GSG1L2: variants seen among roughly 807,000 people sequenced by gnomAD.
The protein encoded by GSG1L2 is GSG1 like 2.
Under a neutral mutation model 9.0 loss-of-function variants are expected in GSG1L2, and 15 were observed. The ratio of observed to expected loss-of-function variants is 1.67; its 90% CI spans 1.12 to 2.57. GSG1L2 has a LOEUF of 2.57. GSG1L2 is among the 30% of genes most tolerant of loss of function. The probability of loss-of-function intolerance (pLI) is 0.00; values close to 1 mark genes in which losing one functional copy is unlikely to be tolerated. For missense variants in GSG1L2, 286 were observed against 150.3 expected, an observed-to-expected ratio of 1.90 and a Z score of -4.72; for synonymous variants, 127 against 57.9, an observed-to-expected ratio of 2.19 and a Z score of -5.41.
At chr17:9,817,959 G>A (rs2066574092) in intron 1 of GSG1L2, among the ~76,000 whole-genome samples, 1 of 152,074 alleles carries the variant, frequency 6.6e-6, no homozygotes, top group Non-Finnish European at 1.5e-5. Flanking sequence ...TGCCTGGAAC[G>A]TTCTCATCCC....
At chr17:9,818,584 G>A (rs1027745779) in intron 1 of GSG1L2, among the ~76,000 whole-genome samples, 2 of 134,736 alleles carry the variant, frequency 1.5e-5, no homozygotes, top group Non-Finnish European at 3.0e-5. Flanking sequence ...TCGAACTCCT[G>A]ACCTCAGGCA....
Position 9,821,880 on chromosome 17 carries a change from C to G in GSG1L2, c.192G>C (p.Arg64Ser). 1.4e-6 allele frequency: 1 copy of G among 703,364 alleles called. No homozygotes were observed. The allele number at this position is 703,364 out of a possible 1,614,324, so 43.6% of individuals were successfully genotyped here. Residue 64 changes from arginine (R) to serine (S), a missense_variant, in exon 1 of 5, where the codon AGG (arginine) becomes AGC (serine). Transcript: ENST00000399363. The stretch of plus-strand genomic sequence containing the variant: ...GGACAGCCTGGCTATTGTTGTCCAT[C>G]CTGCCATTGCTGCTGTTGTCCCGTT... The part of the protein sequence containing the change: ...HFKRDNSSNG[R>S]MDNNSQAVLY...
intron 1 of GSG1L2, among the ~76,000 whole-genome samples, chr17:9,816,522 C>CTGTGTGTGTG (rs1491196761): frequency 0.028 from 3,910 of 140,608 alleles, 67 homozygotes; most frequent in African/African-American, 0.044. Flanking sequence ...GTGTGCGTGT[C>CTGTGTGTGTG]TGTGTCTCTG....
chr17:9,818,501 A>ATTTTTTTTTTTTTTTTTT (rs377057350), intron 1 of GSG1L2, among the ~76,000 whole-genome samples: 9 of 82,800 alleles, frequency 1.1e-4, no homozygotes, highest in South Asian at 9.9e-4. Flanking sequence ...ACACAGCTAA[A>ATTTTTTTTTTTTTTTTTT]TTTTTTTTTT....
In GSG1L2 at chr17:9,814,071, A is replaced by G. The variant is rs564128459; in HGVS notation, c.311-3453T>C. 2.4e-3 allele frequency among the ~76,000 whole-genome samples: 361 copies of G among 151,328 alleles called. 2 individuals are homozygous for G. The highest frequency in any genetic ancestry group is 7.9e-3 in the Admixed American group (120 of 15,242). On this transcript the variant is annotated intron_variant, in intron 1 of 4. Transcript: ENST00000399363. ...TGCCTCAGCCTCCCAAGTAGCTGGG[A>G]TTACAGGCACCCGCCACTATGCCCA... is the stretch of plus-strand genomic sequence containing the variant.
intron 1 of GSG1L2, among the ~76,000 whole-genome samples, chr17:9,811,665 G>A (rs2066539431): frequency 6.6e-6 from 1 of 152,142 alleles, no homozygotes. Flanking sequence ...CGAGTGGGAG[G>A]AGCCTGGGAA....
rs2066535301 is a variant in GSG1L2, at chr17:9,810,602, A to G, written c.327T>C (p.Ser109=). Residue 109 remains serine (S), a synonymous_variant, in exon 2 of 5, where the codon AGT becomes AGC. Transcript: ENST00000399363. ...SLNGEDEKCR[S]FRSVVPAEEQ... ...CTTCAGCTGGCACTACACTCCGGAA[A>G]CTCCTACACTTTTCATCTGAAAGAT... The G allele has an allele frequency of 1.4e-6, 1 of 703,038 alleles. No individual in the cohort carries two copies. Among genetic ancestry groups the G allele is most frequent in the East Asian group, 2.7e-5 (1 of 37,290 alleles). The allele number at this position is 703,038 out of a possible 1,614,324, so 43.5% of individuals were successfully genotyped here.
intron 1 of GSG1L2, among the ~76,000 whole-genome samples, chr17:9,812,134 A>G (rs1021767303): frequency 6.6e-6 from 1 of 152,222 alleles, no homozygotes; most frequent in African/African-American, 2.4e-5. Context: ...GCATTTTTGC[A>G]GTGGTTAGCA....
rs888792253 is a variant in GSG1L2 at position 9,801,640 on chromosome 17, C to T, written c.*746G>A. ...ACTGTATTAGGAATCCTGCAGCCCA[C>T]CACTGCCTCCAACAAGACCTGCATG... On this transcript the variant is annotated 3_prime_UTR_variant, in exon 5 of 5. Coordinates refer to ENST00000399363, the MANE Select transcript of GSG1L2 (RefSeq NM_001310219.2). Among the ~76,000 whole-genome samples the T allele has an allele frequency of 6.6e-6, 1 of 152,196 alleles. No individual in the cohort carries two copies. The highest frequency in any genetic ancestry group is 1.5e-5 in the Non-Finnish European group (1 of 68,034).
intron 1 of GSG1L2, among the ~76,000 whole-genome samples, chr17:9,817,846 G>C (rs1394924704): frequency 6.6e-6 from 1 of 152,086 alleles, no homozygotes; most frequent in East Asian, 1.9e-4. Context: ...TGTGAGCCAA[G>C]TTCTTCTGTA....
intron 4 of GSG1L2, chr17:9,804,468 T>C (rs2066509877): frequency 6.6e-6 from 1 of 152,132 alleles, no homozygotes; most frequent in Non-Finnish European, 1.5e-5. Flanking sequence ...GAAAATGGGA[T>C]TGTATGGAAA....
intron 2 of GSG1L2, 146 bp from the exon 3 acceptor site, chr17:9,809,128 T>TA: frequency 1.6e-6 from 1 of 618,944 alleles, no homozygotes; most frequent in Non-Finnish European, 2.9e-6. Flanking sequence ...CTGCTGAATC[T>TA]TAGCTGGCAA....
rs1313609953 is a variant in GSG1L2, at chr17:9,808,924, G to A, written c.417C>T (p.Ser139=). ...TCACTCTGGAGCCCAGGAGGATGGCGCTTGTCAGTATCAGAACGATATCCA... is the reference window on the plus strand; with the variant it reads ...TCACTCTGGAGCCCAGGAGGATGGCACTTGTCAGTATCAGAACGATATCCA... ...EVLDIVLILT[S]AILLGSRVSC... The change falls in exon 3 of 5, where the codon AGC becomes AGT. Residue 139 remains serine (S), a synonymous_variant. Transcript: ENST00000399363. 2 of 703,020 alleles carry A rather than the reference G, an allele frequency of 2.8e-6. No individual in the cohort carries two copies. Among genetic ancestry groups the A allele is most frequent in the Non-Finnish European group, 5.2e-6 (2 of 385,018 alleles). 43.5% of individuals were successfully genotyped at this position (703,020 alleles called of 1,614,324 possible). A position where few individuals can be genotyped will look rare whatever the true frequency, so the allele number is the denominator to read the frequency against.
rs1369203467 is a variant in GSG1L2 at position 9,807,550 on chromosome 17, G to C, written c.563C>G (p.Thr188Ser). The change falls in exon 4 of 5, where the codon ACT becomes AGT. Residue 188 changes from threonine to serine, a missense_variant. Thr to Ser is a moderately conservative substitution (Grantham distance 58). Transcript: ENST00000399363. The stretch of plus-strand genomic sequence containing the variant: ...CCAATCTTCTGGTCCAAGGTTCACA[G>C]TGATTTGAAAAATGGTTGTGTACAT... ...HMMYTTIFQITVNLGPEDWKP... is the reference protein window; with the variant it reads ...HMMYTTIFQISVNLGPEDWKP... 2 of 703,260 alleles carry C rather than the reference G, an allele frequency of 2.8e-6. No homozygotes were observed. Among genetic ancestry groups the C allele is most frequent in the Middle Eastern group, 2.3e-4 (1 of 4,374 alleles). The allele number at this position is 703,260 out of a possible 1,614,324, so 43.6% of individuals were successfully genotyped here.
intron 1 of GSG1L2, among the ~76,000 whole-genome samples, chr17:9,819,566 T>C (rs1049167672): frequency 1.3e-5 from 2 of 152,206 alleles, no homozygotes; most frequent in Admixed American, 6.5e-5. Context: ...TGATTTTTCA[T>C]AGTAGCTTTT....
intron 1 of GSG1L2, among the ~76,000 whole-genome samples, chr17:9,816,706 T>A (rs2066565744): frequency 6.6e-6 from 1 of 150,448 alleles, no homozygotes; most frequent in Admixed American, 6.6e-5. Flanking sequence ...TGTGCATGCG[T>A]GTCTGTGTGT....
intron 1 of GSG1L2, among the ~76,000 whole-genome samples, chr17:9,816,566 A>G (rs1293979516): frequency 6.1e-4 from 48 of 78,108 alleles, no homozygotes; most frequent in African/African-American, 2.7e-3. Context: ...GTGCATGCAT[A>G]TCTGTGTCTG....
chr17:9,809,388 G>A (rs1463628284), intron 2 of GSG1L2: 6 of 241,610 alleles, frequency 2.5e-5, no homozygotes, highest in Non-Finnish European at 1.7e-5. Flanking sequence ...AGCTCTTAAA[G>A]GTGGCACAGA....
chr17:9,810,956 C>T (rs936022447), intron 1 of GSG1L2: 1 of 337,806 alleles, frequency 3.0e-6, no homozygotes, highest in Non-Finnish European at 5.5e-6. Context: ...AGCCTGGGTC[C>T]CTGAATAGCT....
Sources: gnomAD v4.1 joint callset for allele counts (sites outside exome capture counted in the v4.1 genomes callset) on GRCh38, gnomAD v4.1.1 for gene constraint, MANE v1.5 for transcripts, NCBI Gene and HGNC (gene_info 2026-07-23, HGNC 2026-07-21) for gene names.